The following SVOP variants were observed in gnomAD, a reference collection of about 807,000 sequenced individuals.
The protein encoded by SVOP is SV2 related protein.
In SVOP, 17 loss-of-function variants were observed where a neutral mutation model predicts 69.1. The observed-to-expected ratio is 0.25, with a 90% confidence interval of 0.17 to 0.37. The LOEUF is 0.37. SVOP is among the 10% of genes least tolerant of loss of function. The pLI is 1.00. For missense variants in SVOP, 435 were observed against 597.5 expected, an observed-to-expected ratio of 0.73 and a Z score of 2.84; for synonymous variants, 238 against 238.6, an observed-to-expected ratio of 1.00 and a Z score of 0.02.
intron 5 of SVOP, among the ~76,000 whole-genome samples, chr12:108,967,517 A>AAAAG (rs950256441): frequency 5.9e-5 from 9 of 151,594 alleles, no homozygotes; most frequent in East Asian, 1.9e-4. Flanking sequence ...AAAAAGGAAA[A>AAAAG]AAAGAAAGAA....
rs1029749880 is a variant in SVOP, at chr12:108,943,785, C to CCTT, written c.642+1315_642+1317dup. Among the ~76,000 whole-genome samples, 57 of 151,662 alleles carry CCTT rather than the reference C, an allele frequency of 3.8e-4. No individual in the cohort carries two copies. In the South Asian group the frequency reaches 8.3e-3, roughly 22 times the overall value. ...TAGATACATTTCCTTTTCTTCTTCTCCTTCTTCTTCTTCTTCTCTTTCTCC... is the reference window on the plus strand; with the variant it reads ...TAGATACATTTCCTTTTCTTCTTCTCCTTCTTCTTCTTCTTCTTCTCTTTCTCC... On this transcript the variant is annotated intron_variant, in intron 7 of 15. Coordinates refer to ENST00000610966, the MANE Select transcript of SVOP (RefSeq NM_018711.5).
intron 8 of SVOP, among the ~76,000 whole-genome samples, chr12:108,939,634 C>T (rs1020641133): frequency 1.8e-4 from 27 of 152,134 alleles, no homozygotes; most frequent in African/African-American, 6.0e-4. Flanking sequence ...TCAATTAGCC[C>T]CTCTGGGCTT....
chr12:109,015,177 G>A (rs2040361343), intron 1 of SVOP, among the ~76,000 whole-genome samples: 1 of 152,154 alleles, frequency 6.6e-6, no homozygotes, highest in Non-Finnish European at 1.5e-5. Flanking sequence ...CTTTCTAGCG[G>A]GTGGATCCTG....
At chr12:108,978,734 T>C in intron 2 of SVOP, 71 bp from the exon 3 acceptor site, 1 of 682,380 alleles carries the variant, frequency 1.5e-6, no homozygotes, top group South Asian at 1.6e-5. Flanking sequence ...TGGGGTTTTC[T>C]GGGGTGGTCC....
At position 108,915,861 on chromosome 12, in the gene SVOP, C is replaced by A; in HGVS notation, c.1362G>T (p.Thr454=). The A allele has an allele frequency of 1.2e-6, 2 of 1,605,582 alleles. No individual in the cohort carries two copies. Among genetic ancestry groups the A allele is most frequent in the East Asian group, 4.5e-5 (2 of 44,328 alleles). ...AYVYTPEVYP[T]ATRALGLGTC... is the part of the protein sequence containing the mutation. ...TGCCCAGGCCGAGGGCCCGCGTTGC[C>A]GTGGGGTAGACCTGAAACACAGCAG... The change falls in exon 15 of 16, where the codon ACG becomes ACT. Residue 454 remains threonine, a synonymous_variant. Transcript: ENST00000610966.
At chr12:108,972,345 T>C in intron 5 of SVOP, 60 bp downstream of exon 5, 1 of 1,507,120 alleles carries the variant, frequency 6.6e-7, no homozygotes, top group Non-Finnish European at 8.9e-7. Context: ...TTGCTACTTG[T>C]CCAGACCATC....
At chr12:109,018,344 G>A (rs2040379637) in intron 1 of SVOP, among the ~76,000 whole-genome samples, 1 of 152,122 alleles carries the variant, frequency 6.6e-6, no homozygotes, top group Non-Finnish European at 1.5e-5. Context: ...CCACCCCAGA[G>A]CTGTGTGAGG....
At chr12:108,979,966 G>A (rs1273394566) in intron 2 of SVOP, among the ~76,000 whole-genome samples, 2 of 152,208 alleles carry the variant, frequency 1.3e-5, no homozygotes, top group Non-Finnish European at 2.9e-5. Context: ...GAGACCTGGA[G>A]TTTGAGAGCA....
intron 15 of SVOP, among the ~76,000 whole-genome samples, chr12:108,913,829 T>G (rs1378144384): frequency 6.6e-6 from 1 of 152,166 alleles, no homozygotes; most frequent in Non-Finnish European, 1.5e-5. Flanking sequence ...TTTTGTATTT[T>G]TAAGAGAGAT....
At chr12:108,992,473 C>T (rs1025667010) in intron 1 of SVOP, among the ~76,000 whole-genome samples, 4 of 151,978 alleles carry the variant, frequency 2.6e-5, no homozygotes, top group Middle Eastern at 3.4e-3. Context: ...CCTGAGAGGT[C>T]GAGGCTGCAG....
intron 11 of SVOP, among the ~76,000 whole-genome samples, chr12:108,931,430 T>G (rs1302815302): frequency 6.6e-6 from 1 of 152,178 alleles, no homozygotes; most frequent in Non-Finnish European, 1.5e-5. Context: ...TGTCCAGAGG[T>G]TCCCACCTCC....
chr12:109,014,626 C>G (rs1182626947), intron 1 of SVOP, among the ~76,000 whole-genome samples: 1 of 152,170 alleles, frequency 6.6e-6, no homozygotes, highest in African/African-American at 2.4e-5. Flanking sequence ...ATACTCTTTT[C>G]CATGATGGCT....
chr12:108,949,898 C>A (rs1450429186), intron 6 of SVOP, among the ~76,000 whole-genome samples: 3 of 152,132 alleles, frequency 2.0e-5, no homozygotes, highest in Non-Finnish European at 4.4e-5. Flanking sequence ...TTTAAACTTC[C>A]CGGGAGTAGC....
intron 1 of SVOP, among the ~76,000 whole-genome samples, chr12:108,987,496 T>C (rs1272402747): frequency 6.6e-6 from 1 of 152,230 alleles, no homozygotes; most frequent in Non-Finnish European, 1.5e-5. Context: ...TTATTCTATG[T>C]TTTATTTTTT....
At chr12:108,978,282 A>T (rs555092480) in intron 3 of SVOP, 1 of 309,014 alleles carries the variant, frequency 3.2e-6, no homozygotes, top group Non-Finnish European at 6.0e-6. Flanking sequence ...TTCTAGGGAG[A>T]GCTCTACAGC....
rs2040394581 is a variant in SVOP at position 109,020,922 on chromosome 12, G to A, written c.-54C>T. On this transcript the variant is annotated 5_prime_UTR_variant, in exon 1 of 16. Transcript: ENST00000610966. ...TCATGGCCCTTACATGGTAGTGGTG[G>A]ATGACGAGCCCTCCGGTTTTCAGCA... 2 of 706,264 alleles carry A rather than the reference G, an allele frequency of 2.8e-6. No homozygotes were observed. The highest frequency in any genetic ancestry group is 5.3e-6 in the Non-Finnish European group (2 of 379,082). The allele number at this position is 706,264 out of a possible 1,614,324, so 43.7% of individuals were successfully genotyped here.
intron 3 of SVOP, among the ~76,000 whole-genome samples, 162 bp from the exon 4 acceptor site, chr12:108,977,658 A>G (rs2040114296): frequency 6.6e-6 from 1 of 152,230 alleles, no homozygotes; most frequent in Non-Finnish European, 1.5e-5. Flanking sequence ...TCCAGCAGTT[A>G]AAACCATGCA....
intron 5 of SVOP, among the ~76,000 whole-genome samples, chr12:108,963,495 A>AT (rs200055211): frequency 0.044 from 6,649 of 149,424 alleles, 488 homozygotes; most frequent in African/African-American, 0.15. Flanking sequence ...GTATTTATTT[A>AT]TTTTTTTTTT....
At chr12:109,007,689 G>A (rs954012932) in intron 1 of SVOP, among the ~76,000 whole-genome samples, 1 of 152,094 alleles carries the variant, frequency 6.6e-6, no homozygotes, top group Non-Finnish European at 1.5e-5. Flanking sequence ...AAGCCTGAGT[G>A]TTATAAACTA....
Sources: gnomAD v4.1 joint callset for allele counts (sites outside exome capture counted in the v4.1 genomes callset) on GRCh38, gnomAD v4.1.1 for gene constraint, MANE v1.5 for transcripts, NCBI Gene and HGNC (gene_info 2026-07-23, HGNC 2026-07-21) for gene names.